NCAM2: variants seen among roughly 807,000 people sequenced by gnomAD.
NCAM2 encodes the protein neural cell adhesion molecule 2, also known as N-CAM-2.
A neutral mutation model predicts 98.1 loss-of-function variants in NCAM2; 30 were observed. The observed-to-expected ratio is 0.31, with a 90% confidence interval of 0.23 to 0.41. NCAM2 has a LOEUF of 0.41. Ranked by LOEUF, NCAM2 falls within the 10% of genes least tolerant of loss-of-function variation. NCAM2 has a pLI of 1.00. For missense variants in NCAM2, 867 were observed against 1,005.8 expected (o/e 0.86, Z 1.87); for synonymous variants, 368 against 342.4 (o/e 1.07, Z -0.83).
intron 11 of NCAM2, among the ~76,000 whole-genome samples, chr21:21,420,237 A>G (rs77058174): frequency 0.018 from 2,706 of 152,198 alleles, 77 homozygotes; most frequent in East Asian, 0.14. Context: ...TTTTGTATGT[A>G]TATGTTAATA....
chr21:21,496,394 A>T (rs996955392), intron 15 of NCAM2, among the ~76,000 whole-genome samples: 2 of 151,956 alleles, frequency 1.3e-5, no homozygotes, highest in African/African-American at 4.8e-5. Context: ...CATATGTTTA[A>T]TAGCCACTTG....
chr21:21,458,125 T>A (rs193158165), intron 12 of NCAM2, among the ~76,000 whole-genome samples: 18 of 152,268 alleles, frequency 1.2e-4, no homozygotes, highest in Non-Finnish European at 1.5e-4. Flanking sequence ...GCCTACAGGA[T>A]CTCCTAGTGC....
At chr21:21,409,737 G>A (rs1569030901) in intron 9 of NCAM2, among the ~76,000 whole-genome samples, 1 of 152,176 alleles carries the variant, frequency 6.6e-6, no homozygotes, top group Non-Finnish European at 1.5e-5. Context: ...ATTTATGAGT[G>A]TATGTTAATC....
At chr21:21,124,377 C>T (rs548409635) in intron 1 of NCAM2, among the ~76,000 whole-genome samples, 14 of 152,236 alleles carry the variant, frequency 9.2e-5, no homozygotes, top group South Asian at 2.1e-4. Flanking sequence ...TGAGTTTTGC[C>T]TGTTTAACAT....
At chr21:21,305,770 T>G (rs2073860859) in intron 5 of NCAM2, among the ~76,000 whole-genome samples, 1 of 152,130 alleles carries the variant, frequency 6.6e-6, no homozygotes, top group Non-Finnish European at 1.5e-5. Flanking sequence ...CTTTATTATT[T>G]TATCTTTCTG....
chr21:21,044,295 C>T (rs947694810), intron 1 of NCAM2, among the ~76,000 whole-genome samples: 6 of 151,944 alleles, frequency 3.9e-5, no homozygotes, highest in African/African-American at 9.7e-5. Context: ...TTCATAGCTT[C>T]GATGATCTTG....
intron 1 of NCAM2, among the ~76,000 whole-genome samples, chr21:21,098,498 GTTAA>G (rs1236632418): frequency 2.6e-5 from 4 of 151,758 alleles, no homozygotes; most frequent in African/African-American, 9.7e-5. Flanking sequence ...AAGGAACACA[GTTAA>G]TTCTTGAATT....
intron 1 of NCAM2, among the ~76,000 whole-genome samples, chr21:21,129,341 A>G (rs915250755): frequency 6.6e-6 from 1 of 152,198 alleles, no homozygotes; most frequent in Non-Finnish European, 1.5e-5. Flanking sequence ...CAGTCAACAC[A>G]TCCAAATGTC....
intron 1 of NCAM2, among the ~76,000 whole-genome samples, chr21:21,199,070 A>C (rs2147009097): frequency 6.6e-6 from 1 of 152,318 alleles, no homozygotes; most frequent in South Asian, 2.1e-4. Flanking sequence ...AATGTAACCC[A>C]GTTTGTATGC....
At chr21:21,518,891 A>T (rs1163805306) in intron 16 of NCAM2, among the ~76,000 whole-genome samples, 1 of 152,170 alleles carries the variant, frequency 6.6e-6, no homozygotes, top group Non-Finnish European at 1.5e-5. Context: ...AGTGATAAGC[A>T]CTAAATGAAT....
intron 1 of NCAM2, among the ~76,000 whole-genome samples, chr21:21,035,652 T>C (rs2064781416): frequency 6.6e-6 from 1 of 152,162 alleles, no homozygotes; most frequent in South Asian, 2.1e-4. Flanking sequence ...TTTCTTGAAA[T>C]TCTTACCCAG....
chr21:21,429,209 G>A (rs2077277466), intron 11 of NCAM2, among the ~76,000 whole-genome samples: 1 of 152,258 alleles, frequency 6.6e-6, no homozygotes, highest in African/African-American at 2.4e-5. Flanking sequence ...ACTAGGCACT[G>A]GCCCATGTTT....
At chr21:21,142,013 G>T (rs2067177099) in intron 1 of NCAM2, among the ~76,000 whole-genome samples, 1 of 152,156 alleles carries the variant, frequency 6.6e-6, no homozygotes, top group South Asian at 2.1e-4. Context: ...GTTCATCTGA[G>T]TGTTTTAATT....
Position 21,418,425 on chromosome 21 carries a change from T to C in NCAM2, c.1384-48T>C, listed in dbSNP as rs745319594. 1.0e-5 allele frequency: 14 copies of C among 1,388,478 alleles called. No individual in the cohort carries two copies. In the East Asian group the frequency reaches 3.2e-4, roughly 32 times the overall value. 86.0% of individuals were successfully genotyped at this position (1,388,478 alleles called of 1,614,324 possible). The stretch of plus-strand genomic sequence containing the variant: ...GTCATACTGGGGTTTATTATAAAAC[T>C]TCTGTGATGTTTTAGAATTGTAACA... On this transcript the variant is annotated intron_variant, in intron 10 of 17. Coordinates refer to ENST00000400546, the MANE Select transcript of NCAM2 (RefSeq NM_004540.5).
In NCAM2 at chr21:21,236,795, C is replaced by T. The variant is rs189829054; in HGVS notation, c.56-43783C>T. ...GTGTGTGTGTGTGTGTGCATGCACA[C>T]GTGTGCATTTTACAAATAAAATTTG... is the stretch of plus-strand genomic sequence containing the variant. On this transcript the variant is annotated intron_variant, in intron 1 of 17. Coordinates refer to ENST00000400546, the MANE Select transcript of NCAM2 (RefSeq NM_004540.5). 2.3e-3 allele frequency among the ~76,000 whole-genome samples: 349 copies of T among 150,922 alleles called. 1 individual carries two copies. The highest frequency in any genetic ancestry group is 2.8e-3 in the Non-Finnish European group (190 of 67,720).
intron 11 of NCAM2, among the ~76,000 whole-genome samples, chr21:21,421,734 T>C (rs1175613079): frequency 1.3e-5 from 2 of 152,190 alleles, no homozygotes; most frequent in Admixed American, 6.6e-5. Flanking sequence ...TAAGATTTCA[T>C]TGGCCTATTT....
intron 1 of NCAM2, among the ~76,000 whole-genome samples, chr21:21,228,749 TG>T (rs1240803870): frequency 6.6e-6 from 1 of 151,442 alleles, no homozygotes; most frequent in Non-Finnish European, 1.5e-5. Flanking sequence ...TATTTACACC[TG>T]GGAGGCAAGA....
chr21:21,392,630 A>G (rs2076405312), intron 9 of NCAM2, among the ~76,000 whole-genome samples: 1 of 152,092 alleles, frequency 6.6e-6, no homozygotes, highest in Non-Finnish European at 1.5e-5. Flanking sequence ...TGACTTTTTA[A>G]TAATAGTCAT....
chr21:21,423,122 C>A (rs757290118), intron 11 of NCAM2, among the ~76,000 whole-genome samples: 1 of 151,984 alleles, frequency 6.6e-6, no homozygotes, highest in Non-Finnish European at 1.5e-5. Flanking sequence ...TAAACCTTAA[C>A]CCTAAATAAA....
Sources: gnomAD v4.1 joint callset for allele counts (sites outside exome capture counted in the v4.1 genomes callset) on GRCh38, gnomAD v4.1.1 for gene constraint, MANE v1.5 for transcripts, NCBI Gene and HGNC (gene_info 2026-07-23, HGNC 2026-07-21) for gene names.